Variants in ESCO2 observed in about 807,000 individuals in gnomAD.
ESCO2 encodes N-acetyltransferase ESCO2.
In ESCO2, 51 loss-of-function variants were observed where a neutral mutation model predicts 61.7. The observed-to-expected ratio is 0.83, with a 90% confidence interval of 0.66 to 1.04. The LOEUF is 1.04. ESCO2 is among the 50% of genes least tolerant of loss of function. The probability of loss-of-function intolerance (pLI) is 0.00; values close to 1 mark genes in which losing one functional copy is unlikely to be tolerated. For missense variants in ESCO2, 692 were observed against 686.2 expected (o/e 1.01, Z -0.09); for synonymous variants, 230 against 238.2 (o/e 0.97, Z 0.32).
chr8:27,803,505 A>T lies in ESCO2; in HGVS notation c.*67A>T. 6.3e-7 allele frequency: 1 copy of T among 1,575,430 alleles called. No homozygotes were observed. The highest frequency in any genetic ancestry group is 8.6e-7 in the Non-Finnish European group (1 of 1,160,922). On this transcript the variant is annotated 3_prime_UTR_variant, in exon 11 of 11. Transcript: ENST00000305188. ...CAAAGAGCTCCTTATTATAAAATACAAACTATTTAATATCAAAATAAAAAA... is the reference window on the plus strand; with the variant it reads ...CAAAGAGCTCCTTATTATAAAATACTAACTATTTAATATCAAAATAAAAAA...
upstream of ESCO2, chr8:27,774,360 A>C (rs1484069205): frequency 6.6e-6 from 1 of 151,738 alleles, no homozygotes; most frequent in Non-Finnish European, 1.5e-5. Flanking sequence ...GCTGCAGGGG[A>C]TTGTGGGTGG....
intron 2 of ESCO2, among the ~76,000 whole-genome samples, chr8:27,775,895 A>G (rs906687862): frequency 2.0e-5 from 3 of 152,152 alleles, no homozygotes; most frequent in African/African-American, 7.2e-5. Flanking sequence ...GTTCCCCTAT[A>G]ATATTTTACA....
In ESCO2 at chr8:27,776,648, G is replaced by T; in HGVS notation, c.340G>T (p.Asp114Tyr). Residue 114 changes from aspartate (D) to tyrosine (Y), a missense_variant, in exon 3 of 11, where the codon GAT becomes TAT. By Grantham distance (160) the Asp-to-Tyr change is radical (BLOSUM62 -3). Coordinates refer to ENST00000305188, the MANE Select transcript of ESCO2 (RefSeq NM_001017420.3). ...TAGATCTACTTGTCTAAAAACTAAT[G>T]ATGAAGATAAATCTTTTCCCATTGT... ...ESRSTCLKTN[D>Y]EDKSFPIVTE... 6.2e-7 allele frequency: 1 copy of T among 1,613,790 alleles called. No individual in the cohort carries two copies. The highest frequency in any genetic ancestry group is 2.2e-5 in the East Asian group (1 of 44,866).
At chr8:27,775,624 T>C in intron 2 of ESCO2, 57 bp downstream of exon 2, 2 of 1,579,116 alleles carry the variant, frequency 1.3e-6, no homozygotes, top group Admixed American at 3.3e-5. Context: ...TTGTCTCTCT[T>C]GTTCTCTCCT....
rs953405081 is a variant in ESCO2, at chr8:27,786,561, A to G, written c.1014-1324A>G. On this transcript the variant is annotated intron_variant, in intron 5 of 10. Coordinates refer to ENST00000305188, the MANE Select transcript of ESCO2 (RefSeq NM_001017420.3). ...CCAGTGGTATACTGAGTTAGTCACA[A>G]CCCTCATTCTTTTGGCCTCCAACAA... Among the ~76,000 whole-genome samples the G allele has an allele frequency of 3.9e-4, 59 of 152,128 alleles. 1 individual carries two copies. Among genetic ancestry groups the G allele is most frequent in the Admixed American group, 3.9e-3 (59 of 15,270 alleles).
chr8:27,772,578 G>C, upstream of ESCO2: 2 of 1,544,052 alleles, frequency 1.3e-6, no homozygotes, highest in Non-Finnish European at 1.8e-6. Flanking sequence ...CCGCGGAGCA[G>C]CAGCGCTCAA....
At chr8:27,785,577 G>A (rs1019900756) in intron 5 of ESCO2, among the ~76,000 whole-genome samples, 1 of 151,730 alleles carries the variant, frequency 6.6e-6, no homozygotes, top group Non-Finnish European at 1.5e-5. Context: ...GGGCATGCCT[G>A]TAATCCCAGC....
chr8:27,776,422 A>G lies in ESCO2; in HGVS notation c.114A>G (p.Gln38=), dbSNP rs749339550. The G allele has an allele frequency of 6.2e-7, 1 of 1,607,538 alleles. No individual in the cohort carries two copies. ...PSPNKKHCFY[Q]NSDKNEENLH... is the part of the protein sequence containing the mutation. ...CTAATAAAAAGCACTGTTTTTATCA[A>G]AACAGTGATAAAAATGAAGAAAACC... Residue 38 remains glutamine, a synonymous_variant, in exon 3 of 11, where the codon CAA becomes CAG. Transcript: ENST00000305188.
intron 5 of ESCO2, among the ~76,000 whole-genome samples, chr8:27,785,064 A>G (rs184418278): frequency 2.0e-5 from 3 of 152,318 alleles, no homozygotes; most frequent in Admixed American, 1.3e-4. Context: ...ATGGACAGAA[A>G]TTTATTTGGC....
At position 27,776,770 on chromosome 8, in the gene ESCO2, C is replaced by T. The variant is rs763597704; in HGVS notation, c.462C>T (p.His154=). ...CTAAGTATCAACCAAAGTATAGACA[C>T]ATCAAGCCTGTATCAAGGAATTCTA... ...LTAKYQPKYR[H]IKPVSRNSRN... is the part of the protein sequence containing the mutation. The change falls in exon 3 of 11, where the codon CAC becomes CAT. Residue 154 remains histidine (H), a synonymous_variant. Coordinates refer to ENST00000305188, the MANE Select transcript of ESCO2 (RefSeq NM_001017420.3). 3 of 1,613,982 alleles carry T rather than the reference C, an allele frequency of 1.9e-6. No homozygotes were observed. Among genetic ancestry groups the T allele is most frequent in the East Asian group, 2.2e-5 (1 of 44,876 alleles).
chr8:27,791,216 CT>C lies in ESCO2; in HGVS notation c.1264-744del, dbSNP rs1325305080. ...TAGTATACCTCTGATTGATTCATAT[CT>C]TTGATGTCTTTCAGGAACATTTTAT... is the stretch of plus-strand genomic sequence containing the variant. On this transcript the variant is annotated intron_variant, in intron 7 of 10. Transcript: ENST00000305188. 7.2e-5 allele frequency among the ~76,000 whole-genome samples: 11 copies of C among 152,116 alleles called. No homozygotes were observed. In the East Asian group the frequency reaches 1.5e-3, roughly 21 times the overall value.
intron 9 of ESCO2, among the ~76,000 whole-genome samples, chr8:27,793,479 G>GTTTTTTTTTTTTT (rs67670087): frequency 4.8e-5 from 6 of 125,508 alleles, no homozygotes; most frequent in African/African-American, 5.9e-5. Context: ...CTTTTTCTTT[G>GTTTTTTTTTTTTT]TTTTTTTTTT....
chr8:27,799,527 G>A lies in ESCO2; in HGVS notation c.1498-14G>A. The A allele has an allele frequency of 6.2e-7, 1 of 1,613,730 alleles. No homozygotes were observed. The highest frequency in any genetic ancestry group is 8.5e-7 in the Non-Finnish European group (1 of 1,179,906). On this transcript the variant is annotated splice_polypyrimidine_tract_variant and intron_variant, in intron 9 of 10. Transcript: ENST00000305188. ...TGTGGTGTTAGCTATAGATGCTTCT[G>A]TATATCATTGCAGGCATTTCGTGTC... is the stretch of plus-strand genomic sequence containing the variant.
chr8:27,795,609 C>A (rs28769639), intron 9 of ESCO2, among the ~76,000 whole-genome samples: 23,434 of 151,992 alleles, frequency 0.15, 2,271 homozygotes, highest in East Asian at 0.37. Context: ...AAAAGATTTC[C>A]ACTTTTCATT....
chr8:27,788,242 A>G (rs1563474904), intron 6 of ESCO2, among the ~76,000 whole-genome samples: 1 of 152,038 alleles, frequency 6.6e-6, no homozygotes, highest in African/African-American at 2.4e-5. Context: ...AAATAATTTA[A>G]TATTCTTAGC....
At chr8:27,795,086 A>G (rs28830906) in intron 9 of ESCO2, among the ~76,000 whole-genome samples, 23,458 of 152,196 alleles carry the variant, frequency 0.15, 2,276 homozygotes, top group East Asian at 0.37. Context: ...TAGGGATTGC[A>G]TTGCATTTGT....
chr8:27,780,197 T>G lies in ESCO2; in HGVS notation c.885T>G (p.Ser295=). Residue 295 remains serine (S), a synonymous_variant, in exon 4 of 11, where the codon TCT becomes TCG. Transcript: ENST00000305188. ...AGGATTCATCAGATGACAGAGTTTCTTCAAAGGAACATAAAGTTGATAAAA... is the reference window on the plus strand; with the variant it reads ...AGGATTCATCAGATGACAGAGTTTCGTCAAAGGAACATAAAGTTGATAAAA... ...LIKDSSDDRV[S]SKEHKVDKNE... 6.2e-7 allele frequency: 1 copy of G among 1,610,914 alleles called. No individual in the cohort carries two copies. The highest frequency in any genetic ancestry group is 1.1e-5 in the South Asian group (1 of 90,670).
At chr8:27,798,230 C>T (rs1431307368) in intron 9 of ESCO2, among the ~76,000 whole-genome samples, 3 of 152,138 alleles carry the variant, frequency 2.0e-5, no homozygotes, top group African/African-American at 7.2e-5. Flanking sequence ...GAGGCCAAGG[C>T]AGGTGGATCA....
At chr8:27,794,445 A>G (rs1274990263) in intron 9 of ESCO2, among the ~76,000 whole-genome samples, 1 of 152,104 alleles carries the variant, frequency 6.6e-6, no homozygotes, top group African/African-American at 2.4e-5. Context: ...CCATTTTTTA[A>G]TCAGAGTATT....
Sources: allele counts gnomAD v4.1 joint callset (sites outside exome capture counted in the v4.1 genomes callset), GRCh38; gene constraint gnomAD v4.1.1; transcripts MANE v1.5; gene names NCBI Gene and HGNC (gene_info 2026-07-23, HGNC 2026-07-21).